Variants in ANKRD30A observed in about 807,000 individuals in gnomAD.
The protein encoded by ANKRD30A is ankyrin repeat domain 30A.
ANKRD30A carries 170 observed loss-of-function variants against 166.3 expected under a neutral mutation model. The ratio of observed to expected loss-of-function variants is 1.02; its 90% CI spans 0.90 to 1.16. The LOEUF is 1.16. Ranked by LOEUF, ANKRD30A falls within the 50% of genes most tolerant of loss-of-function variation. ANKRD30A has a pLI of 0.00. For synonymous variants in ANKRD30A, 564 were observed against 508.9 expected, an observed-to-expected ratio of 1.11 and a Z score of -1.46; for missense variants, 1,630 against 1,518.0, an observed-to-expected ratio of 1.07 and a Z score of -1.23.
chr10:37,258,980 A>C, the ANKRD30A span, among the ~76,000 whole-genome samples: 2 of 151,082 alleles, frequency 1.3e-5, no homozygotes, highest in East Asian at 1.9e-4. Flanking sequence ...AAAAAAAAAA[A>C]AAAAACAAGC....
At chr10:37,238,196 A>T in the ANKRD30A span, among the ~76,000 whole-genome samples, 1 of 152,058 alleles carries the variant, frequency 6.6e-6, no homozygotes, top group Admixed American at 6.5e-5. Flanking sequence ...TCACTTTCTC[A>T]AAGGAAGTTA....
intron 31 of ANKRD30A, among the ~76,000 whole-genome samples, chr10:37,215,367 A>G (rs558613450): frequency 2.4e-4 from 36 of 151,406 alleles, no homozygotes; most frequent in Non-Finnish European, 4.7e-4. Flanking sequence ...TTTCTGACTC[A>G]CATGCAATCT....
chr10:37,249,195 G>A, the ANKRD30A span, among the ~76,000 whole-genome samples: 1 of 152,124 alleles, frequency 6.6e-6, no homozygotes, highest in Non-Finnish European at 1.5e-5. Context: ...TTCTGGGAAG[G>A]CTTCCTAGTT....
At position 37,141,872 on chromosome 10, in the gene ANKRD30A, T is replaced by C. The variant is rs756586414; in HGVS notation, c.975T>C (p.Pro325=). ...DTAESLVEKT[P]DEAASLVEGT... is the part of the protein sequence containing the mutation. Reference sequence around the variant, plus strand: ...CTGAAAGCTTGGTGGAAAAAACACCTGATGAGGCTGCATCCTTGGTGGAGG... The same window carrying C: ...CTGAAAGCTTGGTGGAAAAAACACCCGATGAGGCTGCATCCTTGGTGGAGG... Residue 325 remains proline (P), a synonymous_variant, in exon 7 of 36, where the codon CCT becomes CCC. Coordinates refer to ENST00000361713, the MANE Select transcript of ANKRD30A (RefSeq NM_052997.3). The C allele has an allele frequency of 2.5e-6, 4 of 1,614,118 alleles. No homozygotes were observed. The highest frequency in any genetic ancestry group is 2.2e-5 in the East Asian group (1 of 44,864).
At chr10:37,258,410 A>G in the ANKRD30A span, among the ~76,000 whole-genome samples, 1 of 152,158 alleles carries the variant, frequency 6.6e-6, no homozygotes, top group Non-Finnish European at 1.5e-5. Flanking sequence ...TTACAATAAG[A>G]TGGTATTAGC....
rs1384271225 is a variant in ANKRD30A at position 37,147,408 on chromosome 10, A to G, written c.1494A>G (p.Ile498Met). 1.3e-6 allele frequency: 2 copies of G among 1,599,122 alleles called. No homozygotes were observed. The highest frequency in any genetic ancestry group is 2.7e-5 in the African/African-American group (2 of 74,164). Reference protein sequence around the residue: ...FESSAKIQVCIPESIYQKVME... With the variant: ...FESSAKIQVCMPESIYQKVME... ...GTTCTGCAAAGATTCAAGTGTGTAT[A>G]CCTGAGTCTATATATCAAAAAGTAA... Residue 498 changes from isoleucine to methionine, a missense_variant, in exon 9 of 36, where the codon ATA (isoleucine) becomes ATG (methionine). Physicochemically the swap from Ile to Met is conservative, Grantham distance 10. Transcript: ENST00000361713.
chr10:37,190,170 C>T (rs557663921), intron 25 of ANKRD30A, among the ~76,000 whole-genome samples: 2 of 151,914 alleles, frequency 1.3e-5, no homozygotes, highest in South Asian at 2.1e-4. Flanking sequence ...TCTGTATAGA[C>T]CAGAGGTTTT....
chr10:37,130,113 A>G lies in ANKRD30A; in HGVS notation c.337-92A>G, dbSNP rs541574445. On this transcript the variant is annotated intron_variant, in intron 2 of 35. Coordinates refer to ENST00000361713, the MANE Select transcript of ANKRD30A (RefSeq NM_052997.3). ...TACAACTAGTTTTGAAACCTGTGGA[A>G]TATTTATTTTGATTTCCTATAATTT... 11 of 1,161,836 alleles carry G rather than the reference A, an allele frequency of 9.5e-6. No homozygotes were observed. The Admixed American group carries it at 3.9e-4, about 42-fold the overall frequency. The allele number at this position is 1,161,836 out of a possible 1,614,324, so 72.0% of individuals were successfully genotyped here. A position where few individuals can be genotyped will look rare whatever the true frequency, so the allele number is the denominator to read the frequency against.
chr10:37,251,812 G>A, the ANKRD30A span, among the ~76,000 whole-genome samples: 1 of 152,150 alleles, frequency 6.6e-6, no homozygotes, highest in African/African-American at 2.4e-5. Context: ...TTTTCAAAGT[G>A]CTCCTTTGAT....
At chr10:37,151,898 A>G (rs892760069) in intron 11 of ANKRD30A, among the ~76,000 whole-genome samples, 162 bp from the exon 12 acceptor site, 2 of 152,100 alleles carry the variant, frequency 1.3e-5, no homozygotes, top group African/African-American at 4.8e-5. Flanking sequence ...TTTCAATTCT[A>G]ATGGAATGAC....
chr10:37,196,073 G>A (rs934822339), intron 27 of ANKRD30A, among the ~76,000 whole-genome samples: 2 of 149,250 alleles, frequency 1.3e-5, no homozygotes, highest in Non-Finnish European at 3.0e-5. Context: ...TACAGAGTTA[G>A]AGGTTTTTTT....
intron 31 of ANKRD30A, among the ~76,000 whole-genome samples, chr10:37,204,658 A>G (rs1443707527): frequency 6.6e-6 from 1 of 152,190 alleles, no homozygotes; most frequent in Non-Finnish European, 1.5e-5. Context: ...GCACAGCAAA[A>G]GAAACTACCA....
In ANKRD30A at chr10:37,158,400, A is replaced by G. The variant is rs765595711; in HGVS notation, c.1807A>G (p.Asn603Asp). The G allele has an allele frequency of 1.9e-5, 31 of 1,609,888 alleles. No individual in the cohort carries two copies. In the African/African-American group the frequency reaches 3.2e-4, roughly 17 times the overall value. The stretch of plus-strand genomic sequence containing the variant: ...TGTCCCTTTTCTTATAGAGTCTCCT[A>G]ATAAAGATGGTCTTCTGAAGGTAAT... ...KINGKLEESPNKDGLLKATCG... is the reference protein window; with the variant it reads ...KINGKLEESPDKDGLLKATCG... Residue 603 changes from asparagine (N) to aspartate (D), a missense_variant, in exon 14 of 36, where the codon AAT becomes GAT. Physicochemically the swap from Asn to Asp is conservative, Grantham distance 23. Around this residue, in one of 4 missense-constraint regions of ANKRD30A, gnomAD observed 904 missense variants for 818.5 expected, o/e 1.10. Transcript: ENST00000361713.
chr10:37,261,411 A>C, the ANKRD30A span, among the ~76,000 whole-genome samples: 1 of 152,200 alleles, frequency 6.6e-6, no homozygotes, highest in Non-Finnish European at 1.5e-5. Flanking sequence ...GAACTCAGCC[A>C]TTATAAATTG....
At chr10:37,218,207 A>G (rs1233983746) in intron 33 of ANKRD30A, among the ~76,000 whole-genome samples, 1 of 150,964 alleles carries the variant, frequency 6.6e-6, no homozygotes, top group African/African-American at 2.4e-5. Flanking sequence ...CATTATCAAG[A>G]GGAAGCAAAA....
intron 21 of ANKRD30A, among the ~76,000 whole-genome samples, chr10:37,172,215 C>T (rs1276268555): frequency 2.0e-5 from 2 of 98,048 alleles, no homozygotes; most frequent in African/African-American, 4.4e-5. Context: ...CGTGGTGGCA[C>T]GCACTTCTAA....
Position 37,197,288 on chromosome 10 carries a change from C to A in ANKRD30A, c.2622C>A (p.Pro874=), listed in dbSNP as rs574286090. Reference sequence around the variant, plus strand: ...ATCTCTTTTGCTTTTTAGAGCCTCCCGAGAAGCCATCTGCCTTCGAGGTAT... The same window carrying A: ...ATCTCTTTTGCTTTTTAGAGCCTCCAGAGAAGCCATCTGCCTTCGAGGTAT... ...MDMQTFKAEP[P]EKPSAFEPAI... The change falls in exon 28 of 36, where the codon CCC becomes CCA. Residue 874 remains proline (P), a synonymous_variant. Transcript: ENST00000361713. 2.5e-6 allele frequency: 4 copies of A among 1,613,080 alleles called. No individual in the cohort carries two copies. The South Asian group carries it at 4.4e-5, about 18-fold the overall frequency.
chr10:37,127,403 A>G (rs1251321988), intron 1 of ANKRD30A, among the ~76,000 whole-genome samples: 1 of 152,208 alleles, frequency 6.6e-6, no homozygotes, highest in African/African-American at 2.4e-5. Context: ...TAAGAAGCTC[A>G]GAAGCAAGCA....
chr10:37,137,446 G>A (rs1413456218), intron 6 of ANKRD30A, among the ~76,000 whole-genome samples: 3 of 152,182 alleles, frequency 2.0e-5, no homozygotes, highest in South Asian at 2.1e-4. Flanking sequence ...CCTGGGAAGC[G>A]CAAGGGGTCA....
Sources: allele counts gnomAD v4.1 joint callset (sites outside exome capture counted in the v4.1 genomes callset), GRCh38; gene constraint gnomAD v4.1.1; regional missense constraint gnomAD v4.1.1; transcripts MANE v1.5; gene names NCBI Gene and HGNC (gene_info 2026-07-23, HGNC 2026-07-21).